The following CYP3A4 variants were observed in gnomAD, a reference collection of about 807,000 sequenced individuals.
The protein encoded by CYP3A4 is cytochrome P450 3A4.
In CYP3A4, 41 loss-of-function variants were observed where a neutral mutation model predicts 54.9. The observed-to-expected ratio is 0.75, with a 90% CI of 0.58 to 0.97. The LOEUF is 0.97. Among genes scored for constraint, CYP3A4 ranks in the 50% least tolerant of loss-of-function variants. CYP3A4 has a pLI of 0.00. For missense variants in CYP3A4, 510 were observed against 597.3 expected, an observed-to-expected ratio of 0.85 and a Z score of 1.52; for synonymous variants, 179 against 205.2, an observed-to-expected ratio of 0.87 and a Z score of 1.09.
chr7:99,763,258 C>T (rs1171063708), intron 10 of CYP3A4, among the ~76,000 whole-genome samples: 3 of 152,148 alleles, frequency 2.0e-5, no homozygotes, highest in African/African-American at 2.4e-5. Context: ...GGGAGACATT[C>T]GAGACGGCTC....
intron 1 of CYP3A4, among the ~76,000 whole-genome samples, chr7:99,783,111 C>T (rs963074809): frequency 6.6e-6 from 1 of 152,130 alleles, no homozygotes; most frequent in Non-Finnish European, 1.5e-5. Flanking sequence ...AATTTCTAAC[C>T]TTTCTGTGAA....
At chr7:99,766,470 G>A in intron 8 of CYP3A4, 27 bp from the exon 9 acceptor site, 1 of 1,613,278 alleles carries the variant, frequency 6.2e-7, no homozygotes. Flanking sequence ...AAATTTCACT[G>A]ACAGAAAGTG....
intron 2 of CYP3A4, among the ~76,000 whole-genome samples, chr7:99,779,157 A>C (rs1010651733): frequency 6.6e-6 from 1 of 152,198 alleles, no homozygotes; most frequent in African/African-American, 2.4e-5. Flanking sequence ...CTATTCAGCA[A>C]AATTAAATAT....
rs28969391 is a variant in CYP3A4 at position 99,757,365 on chromosome 7, CA to C, written c.*767del. 39,182 of 152,008 alleles carry C rather than the reference CA, an allele frequency of 0.26. 7,933 individuals are homozygous for C. The highest frequency in any genetic ancestry group is 0.56 in the African/African-American group (22,988 of 41,382). The allele number at this position is 152,008 out of a possible 1,614,324, so 9.4% of individuals were successfully genotyped here. On this transcript the variant is annotated 3_prime_UTR_variant, in exon 13 of 13. Transcript: ENST00000651514. ...TGTATTTTTAGTAGAGATGGGGTTT[CA>C]ACCATGTAGGCCAGGCTTGTCTTGA...
At chr7:99,760,769 A>T in intron 12 of CYP3A4, 50 bp downstream of exon 12, 1 of 1,590,096 alleles carries the variant, frequency 6.3e-7, no homozygotes. Flanking sequence ...CAGACCACTC[A>T]GTTAAAAGAA....
intron 3 of CYP3A4, among the ~76,000 whole-genome samples, chr7:99,777,412 C>T (rs547996524): frequency 6.6e-6 from 1 of 152,038 alleles, no homozygotes; most frequent in African/African-American, 2.4e-5. Flanking sequence ...CTTGGTAGGA[C>T]AACCTTCGAA....
intron 8 of CYP3A4, 81 bp from the exon 9 acceptor site, chr7:99,766,524 C>A: frequency 6.4e-7 from 1 of 1,563,326 alleles, no homozygotes. Flanking sequence ...TCCTTGATCT[C>A]CCTTCTGAGA....
chr7:99,758,319 T>C (rs1040894154), intron 12 of CYP3A4, 91 bp from the exon 13 acceptor site: 10 of 1,415,262 alleles, frequency 7.1e-6, no homozygotes, highest in Middle Eastern at 2.5e-4. Flanking sequence ...CCTTCAGTGT[T>C]GAGGGGACAC....
chr7:99,761,347 C>T (rs1230768367), intron 11 of CYP3A4, among the ~76,000 whole-genome samples: 3 of 152,332 alleles, frequency 2.0e-5, no homozygotes, highest in Admixed American at 6.5e-5. Context: ...GTCACACTTA[C>T]ATTGGTCATG....
At chr7:99,766,982 C>G in intron 8 of CYP3A4, 149 bp downstream of exon 8, 1 of 665,668 alleles carries the variant, frequency 1.5e-6, no homozygotes, top group South Asian at 2.4e-5. Context: ...TGCATTTCTA[C>G]CAAATGAATT....
chr7:99,769,301 G>A (rs1815567065), intron 6 of CYP3A4, among the ~76,000 whole-genome samples: 1 of 152,056 alleles, frequency 6.6e-6, no homozygotes, highest in African/African-American at 2.4e-5. Flanking sequence ...AGAAATGGTA[G>A]GAATTTTAAT....
At chr7:99,759,669 A>G (rs1815267489) in intron 12 of CYP3A4, among the ~76,000 whole-genome samples, 1 of 152,166 alleles carries the variant, frequency 6.6e-6, no homozygotes, top group East Asian at 1.9e-4. Flanking sequence ...AGAGAATAAA[A>G]CTCAATGATT....
At chr7:99,766,935 A>G in intron 8 of CYP3A4, 196 bp downstream of exon 8, 10 of 478,622 alleles carry the variant, frequency 2.1e-5, no homozygotes, top group Non-Finnish European at 3.7e-5. Flanking sequence ...GCTGTCTCTG[A>G]CTCATTCTCA....
rs1261008170 is a variant in CYP3A4 at position 99,784,119 on chromosome 7, C to T, written c.-38G>A. On this transcript the variant is annotated 5_prime_UTR_variant, in exon 1 of 13. Coordinates refer to ENST00000651514, the MANE Select transcript of CYP3A4 (RefSeq NM_017460.6). Reference sequence around the variant, plus strand: ...TACTTATCTCTCTCCTCTGAGTCTTCCTTTCAGCTCTGTGTTGCTCTTTGC... The same window carrying T: ...TACTTATCTCTCTCCTCTGAGTCTTTCTTTCAGCTCTGTGTTGCTCTTTGC... The T allele has an allele frequency of 6.3e-7, 1 of 1,580,594 alleles. No homozygotes were observed. Among genetic ancestry groups the T allele is most frequent in the Admixed American group, 1.7e-5 (1 of 59,934 alleles).
chr7:99,779,110 G>A (rs977290552), intron 2 of CYP3A4, among the ~76,000 whole-genome samples: 1 of 152,124 alleles, frequency 6.6e-6, no homozygotes, highest in Non-Finnish European at 1.5e-5. Flanking sequence ...ACAAAGGCTC[G>A]GCCAAAGTTC....
chr7:99,777,625 GC>G, intron 3 of CYP3A4, among the ~76,000 whole-genome samples: 1 of 151,900 alleles, frequency 6.6e-6, no homozygotes, highest in Non-Finnish European at 1.5e-5. Context: ...CTACAAGCTT[GC>G]ACAAAGGCCA....
At chr7:99,769,914 G>C (rs1815585372) in intron 5 of CYP3A4, 58 bp from the exon 6 acceptor site, 2 of 1,611,546 alleles carry the variant, frequency 1.2e-6, no homozygotes, top group Non-Finnish European at 1.7e-6. Flanking sequence ...GTCCCAGAAG[G>C]ACATGGCTTT....
intron 9 of CYP3A4, among the ~76,000 whole-genome samples, chr7:99,766,137 G>A (rs34309648): frequency 0.012 from 1,775 of 152,196 alleles, 30 homozygotes; most frequent in African/African-American, 0.038. Flanking sequence ...TCCACAGACC[G>A]CAGACTGACT....
At chr7:99,764,438 A>G (rs1019387108) in intron 9 of CYP3A4, among the ~76,000 whole-genome samples, 1 of 152,182 alleles carries the variant, frequency 6.6e-6, no homozygotes, top group Admixed American at 6.5e-5. Context: ...ATCTTGACAA[A>G]CTTTGAGAGA....
Sources: allele counts gnomAD v4.1 joint callset (sites outside exome capture counted in the v4.1 genomes callset), GRCh38; gene constraint gnomAD v4.1.1; transcripts MANE v1.5; gene names NCBI Gene and HGNC (gene_info 2026-07-23, HGNC 2026-07-21).